Variants in OPCML observed in about 807,000 individuals in gnomAD.
OPCML encodes opioid binding protein/cell adhesion molecule like.
In OPCML, 13 loss-of-function variants were observed where a neutral mutation model predicts 37.8. The ratio of observed to expected loss-of-function variants is 0.34; its 90% confidence interval spans 0.22 to 0.55. The LOEUF (loss-of-function observed/expected upper bound fraction) is 0.55. Ranked by LOEUF, OPCML falls within the 20% of genes least tolerant of loss-of-function variation. OPCML has a pLI of 0.91. For missense variants in OPCML, 341 were observed against 435.6 expected (o/e 0.78, Z 1.93); for synonymous variants, 176 against 168.8 (o/e 1.04, Z -0.33).
At chr11:133,307,024 A>T (rs968922495) in intron 1 of OPCML, among the ~76,000 whole-genome samples, 2 of 152,180 alleles carry the variant, frequency 1.3e-5, no homozygotes, top group African/African-American at 4.8e-5. Context: ...ACATTCAATA[A>T]CTTGGTAATA....
intron 2 of OPCML, among the ~76,000 whole-genome samples, chr11:132,869,056 G>GT (rs1942692850): frequency 6.6e-6 from 1 of 152,146 alleles, no homozygotes; most frequent in South Asian, 2.1e-4. Flanking sequence ...GGGTATGGCG[G>GT]TAACTCCATG....
intron 2 of OPCML, among the ~76,000 whole-genome samples, chr11:132,881,632 T>C (rs1411520350): frequency 6.6e-6 from 1 of 150,946 alleles, no homozygotes; most frequent in Non-Finnish European, 1.5e-5. Context: ...ATAATAATAA[T>C]AAAAAAGAAA....
At chr11:133,207,709 C>G (rs1019810855) in intron 1 of OPCML, among the ~76,000 whole-genome samples, 2 of 152,172 alleles carry the variant, frequency 1.3e-5, no homozygotes, top group African/African-American at 2.4e-5. Flanking sequence ...CATGTACTAT[C>G]CAGACTCAGA....
chr11:133,181,730 T>C (rs1467738915), intron 1 of OPCML, among the ~76,000 whole-genome samples: 1 of 152,196 alleles, frequency 6.6e-6, no homozygotes, highest in Non-Finnish European at 1.5e-5. Context: ...CTAATCCATG[T>C]GCTCACATGT....
chr11:132,590,007 C>T (rs1393271935), intron 3 of OPCML, among the ~76,000 whole-genome samples: 1 of 152,132 alleles, frequency 6.6e-6, no homozygotes, highest in Non-Finnish European at 1.5e-5. Context: ...AGTTTGCTGA[C>T]CCCTGACCTA....
At chr11:132,796,250 G>C (rs1308970593) in intron 2 of OPCML, among the ~76,000 whole-genome samples, 1 of 152,126 alleles carries the variant, frequency 6.6e-6, no homozygotes, top group Non-Finnish European at 1.5e-5. Context: ...AATAATATTT[G>C]ATTGTATTAA....
chr11:133,298,458 A>C (rs1942686757), intron 1 of OPCML: 1 of 152,198 alleles, frequency 6.6e-6, no homozygotes, highest in South Asian at 2.1e-4. Context: ...AACTCCATAC[A>C]AGTAGTTGCT....
At chr11:132,521,643 A>G (rs755590421) in intron 4 of OPCML, among the ~76,000 whole-genome samples, 1 of 152,088 alleles carries the variant, frequency 6.6e-6, no homozygotes, top group Non-Finnish European at 1.5e-5. Context: ...GCATTAAGAC[A>G]AATACCTAAT....
chr11:132,460,485 C>G (rs1422452692), intron 4 of OPCML, among the ~76,000 whole-genome samples: 1 of 152,048 alleles, frequency 6.6e-6, no homozygotes. Context: ...ACTTTGAGAA[C>G]CATTGCCAAA....
chr11:132,522,742 G>T (rs2096297019), intron 4 of OPCML, among the ~76,000 whole-genome samples: 1 of 152,162 alleles, frequency 6.6e-6, no homozygotes, highest in South Asian at 2.1e-4. Flanking sequence ...CTCATGCTTA[G>T]GTTGATAAGA....
chr11:133,268,023 G>T (rs963381201), intron 1 of OPCML, among the ~76,000 whole-genome samples: 1 of 152,164 alleles, frequency 6.6e-6, no homozygotes, highest in Non-Finnish European at 1.5e-5. Flanking sequence ...TCCAGTAGGT[G>T]CAGTTCCTTC....
At chr11:133,378,924 T>A (rs1944871940) in intron 1 of OPCML, among the ~76,000 whole-genome samples, 1 of 152,022 alleles carries the variant, frequency 6.6e-6, no homozygotes, top group Admixed American at 6.6e-5. Context: ...TATTTTATTT[T>A]TATTTTATTT....
At chr11:133,010,689 G>A (rs1326072698) in intron 1 of OPCML, among the ~76,000 whole-genome samples, 1 of 152,190 alleles carries the variant, frequency 6.6e-6, no homozygotes, top group Non-Finnish European at 1.5e-5. Flanking sequence ...TTATAAAAAA[G>A]TAGGGATGAT....
intron 3 of OPCML, among the ~76,000 whole-genome samples, chr11:132,544,126 T>C (rs1419859694): frequency 1.3e-5 from 2 of 152,182 alleles, no homozygotes; most frequent in African/African-American, 4.8e-5. Context: ...TGATTTATAT[T>C]AGTCTATCCC....
At chr11:133,128,939 TA>T (rs1013636541) in intron 1 of OPCML, among the ~76,000 whole-genome samples, 9 of 151,852 alleles carry the variant, frequency 5.9e-5, no homozygotes, top group East Asian at 3.9e-4. Context: ...CCTGAAACAA[TA>T]AAAAAACACA....
intron 2 of OPCML, among the ~76,000 whole-genome samples, chr11:132,832,279 A>G (rs1202210947): frequency 6.8e-6 from 1 of 146,778 alleles, no homozygotes; most frequent in Non-Finnish European, 1.5e-5. Context: ...ACTTAAACTT[A>G]CAGAACGAAC....
At chr11:133,074,599 G>A (rs1948593039) in intron 1 of OPCML, among the ~76,000 whole-genome samples, 1 of 152,168 alleles carries the variant, frequency 6.6e-6, no homozygotes, top group Non-Finnish European at 1.5e-5. Context: ...GCCATGGCCT[G>A]GGGAGAGTAA....
Position 133,460,061 on chromosome 11 carries a change from G to A in OPCML, c.61+72203C>T, listed in dbSNP as rs554830351. On this transcript the variant is annotated intron_variant, in intron 1 of 7. Coordinates refer to ENST00000524381, the MANE Select transcript of OPCML (RefSeq NM_001012393.5). The stretch of plus-strand genomic sequence containing the variant: ...ATGGAATGACGAGAAATTAACAACA[G>A]AAGGAAAACTGGAAAACACACAAAT... Among the ~76,000 whole-genome samples, 16 of 152,046 alleles carry A rather than the reference G, an allele frequency of 1.1e-4. 1 individual carries two copies. In the South Asian group the frequency reaches 2.3e-3, roughly 22 times the overall value.
At chr11:132,619,308 C>T (rs984878409) in intron 3 of OPCML, among the ~76,000 whole-genome samples, 2 of 152,190 alleles carry the variant, frequency 1.3e-5, no homozygotes, top group Admixed American at 1.3e-4. Flanking sequence ...CATATATCTT[C>T]CTAATTCTGT....
Sources: gnomAD v4.1 joint callset for allele counts (sites outside exome capture counted in the v4.1 genomes callset) on GRCh38, gnomAD v4.1.1 for gene constraint, MANE v1.5 for transcripts, NCBI Gene and HGNC (gene_info 2026-07-23, HGNC 2026-07-21) for gene names.